TBC1D2B: variants seen among roughly 807,000 people sequenced by gnomAD.
TBC1D2B encodes TBC1 domain family, member 2B.
In TBC1D2B, 64 loss-of-function variants were observed where a neutral mutation model predicts 100.8. That is an observed-to-expected ratio of 0.64 (90% confidence interval 0.52 to 0.78). The LOEUF (loss-of-function observed/expected upper bound fraction) is 0.78. TBC1D2B is among the 30% of genes least tolerant of loss of function. TBC1D2B has a pLI of 0.00. For synonymous variants in TBC1D2B, 480 were observed against 479.7 expected, an observed-to-expected ratio of 1.00 and a Z score of -0.01; for missense variants, 1,052 against 1,218.4, an observed-to-expected ratio of 0.86 and a Z score of 2.03.
intron 2 of TBC1D2B, among the ~76,000 whole-genome samples, chr15:78,046,128 C>T (rs1378532331): frequency 2.0e-5 from 3 of 152,118 alleles, no homozygotes; most frequent in African/African-American, 7.2e-5. Context: ...GACGAGGTTT[C>T]ACCATGTTGG....
chr15:78,001,150 C>G (rs960520972), intron 12 of TBC1D2B, among the ~76,000 whole-genome samples: 14 of 152,202 alleles, frequency 9.2e-5, no homozygotes, highest in African/African-American at 3.4e-4. Context: ...CCTGAAGGAC[C>G]CCCTGTCCCC....
At chr15:78,070,907 C>CT (rs757031449) in intron 1 of TBC1D2B, among the ~76,000 whole-genome samples, 1 of 152,234 alleles carries the variant, frequency 6.6e-6, no homozygotes, top group Admixed American at 6.5e-5. Flanking sequence ...GCTGCAACCT[C>CT]TGTTTCCTGG....
At chr15:78,024,862 T>C (rs747841363) in intron 5 of TBC1D2B, among the ~76,000 whole-genome samples, 4 of 152,184 alleles carry the variant, frequency 2.6e-5, no homozygotes, top group Middle Eastern at 3.2e-3. Flanking sequence ...TGCTGAACAA[T>C]TAAATGTAAT....
chr15:78,032,917 G>A (rs2072853580), intron 3 of TBC1D2B, among the ~76,000 whole-genome samples: 1 of 152,176 alleles, frequency 6.6e-6, no homozygotes. Flanking sequence ...ACGAGAAGGG[G>A]AAGAGATGGA....
At chr15:78,010,685 C>T (rs750481834) in intron 9 of TBC1D2B, among the ~76,000 whole-genome samples, 18 of 151,990 alleles carry the variant, frequency 1.2e-4, no homozygotes, top group Non-Finnish European at 1.9e-4. Flanking sequence ...GCGACAGAGC[C>T]TTTGAGGACA....
chr15:78,025,817 T>G (rs1277220865), intron 4 of TBC1D2B, among the ~76,000 whole-genome samples: 1 of 152,152 alleles, frequency 6.6e-6, no homozygotes, highest in Non-Finnish European at 1.5e-5. Flanking sequence ...TGAGCCACCG[T>G]GCCCGGCCAA....
chr15:78,050,193 C>A (rs371249516), intron 2 of TBC1D2B, among the ~76,000 whole-genome samples: 1 of 152,218 alleles, frequency 6.6e-6, no homozygotes, highest in East Asian at 1.9e-4. Context: ...AAAGTTACAG[C>A]TACTCCTCCC....
intron 3 of TBC1D2B, among the ~76,000 whole-genome samples, chr15:78,030,838 G>C (rs901765879): frequency 6.6e-6 from 1 of 152,156 alleles, no homozygotes; most frequent in Non-Finnish European, 1.5e-5. Flanking sequence ...AAACATTCAT[G>C]AACAGGAGAA....
intron 10 of TBC1D2B, among the ~76,000 whole-genome samples, chr15:78,006,091 C>T (rs1310558351): frequency 6.6e-6 from 1 of 152,068 alleles, no homozygotes; most frequent in African/African-American, 2.4e-5. Flanking sequence ...ATGATGTGTC[C>T]AAGCTCCACA....
chr15:78,074,052 CT>C (rs969726506), intron 1 of TBC1D2B, among the ~76,000 whole-genome samples: 3 of 151,442 alleles, frequency 2.0e-5, no homozygotes, highest in African/African-American at 7.3e-5. Flanking sequence ...AAGGTGGAGT[CT>C]CACTCTGTCG....
chr15:78,033,847 C>A (rs574648575), intron 3 of TBC1D2B, among the ~76,000 whole-genome samples: 1 of 152,282 alleles, frequency 6.6e-6, no homozygotes, highest in South Asian at 2.1e-4. Context: ...TAAAGCATAT[C>A]ATTTTTCCTT....
intron 1 of TBC1D2B, among the ~76,000 whole-genome samples, chr15:78,066,354 G>A (rs904435552): frequency 1.3e-5 from 2 of 152,176 alleles, no homozygotes; most frequent in African/African-American, 4.8e-5. Context: ...AGTCCACTTA[G>A]AAAGCCACCA....
At chr15:78,038,694 C>T (rs1325411680) in intron 3 of TBC1D2B, among the ~76,000 whole-genome samples, 2 of 152,218 alleles carry the variant, frequency 1.3e-5, no homozygotes, top group Admixed American at 6.5e-5. Flanking sequence ...ACTCTAAATA[C>T]AACCGGAGAC....
chr15:78,066,103 C>T, intron 1 of TBC1D2B: 1 of 470,830 alleles, frequency 2.1e-6, no homozygotes, highest in South Asian at 1.5e-5. Context: ...ACTGTTCCCT[C>T]CTGGAGCCTC....
chr15:78,013,681 A>G (rs1436728376), intron 8 of TBC1D2B, among the ~76,000 whole-genome samples: 2 of 152,228 alleles, frequency 1.3e-5, no homozygotes, highest in African/African-American at 4.8e-5. Context: ...TCATATATAT[A>G]CACTACATAT....
At chr15:78,011,938 C>A (rs1426992101) in intron 9 of TBC1D2B, among the ~76,000 whole-genome samples, 1 of 152,030 alleles carries the variant, frequency 6.6e-6, no homozygotes, top group Non-Finnish European at 1.5e-5. Context: ...TGACCCACCG[C>A]ACACAGCCAA....
In TBC1D2B at chr15:78,077,653, C is replaced by T. The variant is rs1488244584; in HGVS notation, c.-1G>A. On this transcript the variant is annotated 5_prime_UTR_variant, in exon 1 of 13. Coordinates refer to ENST00000300584, the MANE Select transcript of TBC1D2B (RefSeq NM_144572.2). The stretch of plus-strand genomic sequence containing the variant: ...CCGCCCGGGCTCCGGCCCCCGGCAT[C>T]GCTACCGCGCGCCAACCGTAGGCGC... The T allele has an allele frequency of 1.0e-6, 1 of 987,460 alleles. No homozygotes were observed. Among genetic ancestry groups the T allele is most frequent in the South Asian group, 4.5e-5 (1 of 22,142 alleles). The allele number at this position is 987,460 out of a possible 1,614,324, so 61.2% of individuals were successfully genotyped here. A position where few individuals can be genotyped will look rare whatever the true frequency, so the allele number is the denominator to read the frequency against.
In TBC1D2B at chr15:78,077,677, G is replaced by A. The variant is rs1261675276; in HGVS notation, c.-25C>T. On this transcript the variant is annotated 5_prime_UTR_variant, in exon 1 of 13. Coordinates refer to ENST00000300584, the MANE Select transcript of TBC1D2B (RefSeq NM_144572.2). The stretch of plus-strand genomic sequence containing the variant: ...TCGCTACCGCGCGCCAACCGTAGGC[G>A]CCCGCGCCCTGCGCCTCCGCGCCGC... The A allele has an allele frequency of 1.4e-5, 14 of 985,820 alleles. No homozygotes were observed. Among genetic ancestry groups the A allele is most frequent in the South Asian group, 4.5e-5 (1 of 22,044 alleles). 61.1% of individuals were successfully genotyped at this position (985,820 alleles called of 1,614,324 possible). A position where few individuals can be genotyped will look rare whatever the true frequency, so the allele number is the denominator to read the frequency against.
rs1356946273 is a variant in TBC1D2B, at chr15:78,009,015, C to T, written c.2370G>A (p.Lys790=). The T allele has an allele frequency of 6.3e-7, 1 of 1,597,516 alleles. No individual in the cohort carries two copies. The highest frequency in any genetic ancestry group is 1.3e-5 in the African/African-American group (1 of 74,794). Residue 790 remains lysine, a synonymous_variant, in exon 10 of 13, where the codon AAG becomes AAA. Transcript: ENST00000300584. ...EVFMPRDYYT[K]TLLGSQVDQR... is the part of the protein sequence containing the mutation. ...GAACTACCTGGGATCCTAAAAGAGT[C>T]TTTGTATAATAGTCTCGAGGCATGA...
Sources: gnomAD v4.1 joint callset for allele counts (sites outside exome capture counted in the v4.1 genomes callset) on GRCh38, gnomAD v4.1.1 for gene constraint, MANE v1.5 for transcripts, NCBI Gene and HGNC (gene_info 2026-07-23, HGNC 2026-07-21) for gene names.